ICE1: variants seen among roughly 807,000 people sequenced by gnomAD.
ICE1 encodes interactor of little elongation complex ELL subunit 1.
ICE1 carries 64 observed loss-of-function variants against 192.7 expected under a neutral mutation model. The observed-to-expected ratio is 0.33, with a 90% CI of 0.27 to 0.41. The LOEUF is 0.41. Among genes scored for constraint, ICE1 ranks in the 10% least tolerant of loss-of-function variants. The pLI is 1.00. For missense variants in ICE1, 2,708 were observed against 2,696.0 expected (o/e 1.00, Z -0.10); for synonymous variants, 1,010 against 984.5 (o/e 1.03, Z -0.49).
Position 5,441,653 on chromosome 5 carries a change from A to T in ICE1, c.309+430A>T, listed in dbSNP as rs555967443. The stretch of plus-strand genomic sequence containing the variant: ...TTCAGTGGCTCTGGCCTATCTTTGG[A>T]GAGCCCAGTGGTGAATGAAGCGTGT... On this transcript the variant is annotated intron_variant, in intron 5 of 18. Transcript: ENST00000296564. Among the ~76,000 whole-genome samples the T allele has an allele frequency of 8.5e-5, 13 of 152,324 alleles. No individual in the cohort carries two copies. The South Asian group carries it at 2.7e-3, about 32-fold the overall frequency.
intron 8 of ICE1, 32 bp downstream of exon 8, chr5:5,447,541 A>T (rs376598620): frequency 1.2e-5 from 18 of 1,492,446 alleles, no homozygotes; most frequent in South Asian, 9.8e-5. Context: ...CACACACCTT[A>T]AATACGTGGC....
chr5:5,422,874 GC>G lies in ICE1; in HGVS notation c.-38del. 2 of 1,276,394 alleles carry G rather than the reference GC, an allele frequency of 1.6e-6. No individual in the cohort carries two copies. The highest frequency in any genetic ancestry group is 2.3e-5 in the South Asian group (1 of 42,842). 79.1% of individuals were successfully genotyped at this position (1,276,394 alleles called of 1,614,324 possible). A position where few individuals can be genotyped will look rare whatever the true frequency, so the allele number is the denominator to read the frequency against. ...AGACAGGACGGGGCCGACGCCGCGG[GC>G]CCCTGAGGCGTGCGTGCCCACCGGG... On this transcript the variant is annotated 5_prime_UTR_variant, in exon 1 of 19. An upstream open reading frame in the 5' UTR loses its in-frame stop. Transcript: ENST00000296564.
chr5:5,444,277 T>C lies in ICE1; in HGVS notation c.387-12T>C. ...CTTTCTTGCCATTTAACTTACACAA[T>C]TTCGTTATTAGGAAGAAGAAACTAG... is the stretch of plus-strand genomic sequence containing the variant. On this transcript the variant is annotated splice_polypyrimidine_tract_variant and intron_variant, in intron 6 of 18. Transcript: ENST00000296564. 1.3e-6 allele frequency: 2 copies of C among 1,554,248 alleles called. No individual in the cohort carries two copies. Among genetic ancestry groups the C allele is most frequent in the Non-Finnish European group, 1.7e-6 (2 of 1,145,144 alleles).
chr5:5,466,219 G>A, intron 13 of ICE1, 115 bp from the exon 14 acceptor site: 1 of 894,122 alleles, frequency 1.1e-6, no homozygotes, highest in Admixed American at 3.5e-5. Flanking sequence ...TTCTGATGTA[G>A]CGCAAGTTTT....
chr5:5,489,447 A>C lies in ICE1; in HGVS notation c.*117A>C. The C allele has an allele frequency of 1.1e-6, 1 of 881,228 alleles. No homozygotes were observed. The highest frequency in any genetic ancestry group is 1.7e-6 in the Non-Finnish European group (1 of 597,162). 54.6% of individuals were successfully genotyped at this position (881,228 alleles called of 1,614,324 possible). On this transcript the variant is annotated 3_prime_UTR_variant, in exon 19 of 19. Transcript: ENST00000296564. ...AACAAAAAGACATAAAATAGATAAA[A>C]CAGACCAGAGGCTCTCCTTATTGTT...
chr5:5,488,673 C>T (rs893391543), intron 18 of ICE1, among the ~76,000 whole-genome samples: 20 of 152,166 alleles, frequency 1.3e-4, no homozygotes, highest in African/African-American at 3.4e-4. Context: ...AAGTATGGTA[C>T]GCTACAAAAA....
At chr5:5,447,590 T>C (rs1320112460) in intron 8 of ICE1, 81 bp downstream of exon 8, 2 of 1,368,150 alleles carry the variant, frequency 1.5e-6, no homozygotes, top group Non-Finnish European at 2.0e-6. Context: ...GTAACTCACG[T>C]AGGAGTCAAC....
At chr5:5,486,987 AT>A (rs1469952561) in intron 18 of ICE1, among the ~76,000 whole-genome samples, 168 bp downstream of exon 18, 2 of 151,982 alleles carry the variant, frequency 1.3e-5, no homozygotes, top group African/African-American at 4.8e-5. Context: ...GTGTGTGTGG[AT>A]TTTGTGGTGG....
intron 18 of ICE1, among the ~76,000 whole-genome samples, chr5:5,487,075 C>A (rs1159046269): frequency 6.6e-6 from 1 of 152,170 alleles, no homozygotes; most frequent in African/African-American, 2.4e-5. Flanking sequence ...CTCTTCTCTT[C>A]CTGCGGCTAA....
chr5:5,467,726 A>G (rs751924851), intron 14 of ICE1, among the ~76,000 whole-genome samples: 4 of 152,208 alleles, frequency 2.6e-5, no homozygotes, highest in Non-Finnish European at 5.9e-5. Flanking sequence ...TAGTGCAGTG[A>G]GTTTATGCTT....
At chr5:5,445,585 C>CCAAA (rs1738193906) in intron 7 of ICE1, among the ~76,000 whole-genome samples, 1 of 151,942 alleles carries the variant, frequency 6.6e-6, no homozygotes, top group African/African-American at 2.4e-5. Flanking sequence ...GCACGCACCA[C>CCAAA]CAAACCTAGC....
In ICE1 at chr5:5,422,833, C is replaced by A. The variant is rs1737346853; in HGVS notation, c.-83C>A. The A allele has an allele frequency of 9.4e-7, 1 of 1,065,998 alleles. No individual in the cohort carries two copies. The allele number at this position is 1,065,998 out of a possible 1,614,324, so 66.0% of individuals were successfully genotyped here. ...GGAAGCGGCCTGGCAGGCGGCGGCC[C>A]CGGCGGCATCAGCAGAGACAGGACG... On this transcript the variant is annotated 5_prime_UTR_variant, in exon 1 of 19. Coordinates refer to ENST00000296564, the MANE Select transcript of ICE1 (RefSeq NM_015325.3).
chr5:5,422,924 G>T lies in ICE1; in HGVS notation c.9G>T (p.Pro3=). The T allele has an allele frequency of 1.4e-6, 2 of 1,430,522 alleles. No individual in the cohort carries two copies. The highest frequency in any genetic ancestry group is 2.5e-5 in the Admixed American group (1 of 39,780). 88.6% of individuals were successfully genotyped at this position (1,430,522 alleles called of 1,614,324 possible). The change falls in exon 1 of 19, where the codon CCG becomes CCT. Residue 3 remains proline, a synonymous_variant. Transcript: ENST00000296564. ...GGCCCGGCGGCGGCACCATGATGCCGGGCGAGACCCATTCGGCGGCGCCCG... is the reference window on the plus strand; with the variant it reads ...GGCCCGGCGGCGGCACCATGATGCCTGGCGAGACCCATTCGGCGGCGCCCG... MM[P]GETHSAAPGT...
In ICE1 at chr5:5,461,309, A is replaced by G. The variant is rs1339079457; in HGVS notation, c.1975A>G (p.Ile659Val). The change falls in exon 13 of 19, where the codon ATT becomes GTT. Residue 659 changes from isoleucine to valine, a missense_variant. By Grantham distance (29) the Ile-to-Val change is conservative. Around this residue, in one of 2 missense-constraint regions of ICE1, gnomAD observed 2,366 missense variants for 2,276.6 expected, o/e 1.04. Coordinates refer to ENST00000296564, the MANE Select transcript of ICE1 (RefSeq NM_015325.3). The part of the protein sequence containing the change: ...SGLDCGNDTD[I>V]TTKVFSTEPH... The stretch of plus-strand genomic sequence containing the variant: ...GTTAGACTGTGGTAATGATACAGAT[A>G]TTACTACTAAAGTATTCTCTACTGA... The G allele has an allele frequency of 8.1e-6, 13 of 1,613,836 alleles. No individual in the cohort carries two copies. The highest frequency in any genetic ancestry group is 8.5e-6 in the Non-Finnish European group (10 of 1,179,874).
Position 5,464,040 on chromosome 5 carries a change from A to C in ICE1, c.4706A>C (p.Lys1569Thr). 1 of 1,613,662 alleles carries C rather than the reference A, an allele frequency of 6.2e-7. No individual in the cohort carries two copies. The highest frequency in any genetic ancestry group is 8.5e-7 in the Non-Finnish European group (1 of 1,179,846). ...SNKDQSNKPV[K>T]TSASSRVETH... ...AAAGATCAGTCAAACAAACCAGTAA[A>C]AACTTCAGCGTCGAGCAGAGTTGAA... The change falls in exon 13 of 19, where the codon AAA becomes ACA. Residue 1569 changes from lysine (K) to threonine (T), a missense_variant. By Grantham distance (78) the Lys-to-Thr change is moderately conservative. Around this residue, in one of 2 missense-constraint regions of ICE1, gnomAD observed 2,366 missense variants for 2,276.6 expected, o/e 1.04. Transcript: ENST00000296564. This position sits in a 1 kb window ranked among gnomAD's most constrained non-coding sequence, Gnocchi z 4.0.
Position 5,489,346 on chromosome 5 carries a change from A to G in ICE1, c.*16A>G. The G allele has an allele frequency of 6.3e-7, 1 of 1,582,988 alleles. No individual in the cohort carries two copies. Among genetic ancestry groups the G allele is most frequent in the Non-Finnish European group, 8.6e-7 (1 of 1,166,416 alleles). ...GCTTGGCTGACCTGGGATGCCACTG[A>G]GGCTTGAGAAGTGCCTTGACACATT... On this transcript the variant is annotated 3_prime_UTR_variant, in exon 19 of 19. Transcript: ENST00000296564.
chr5:5,480,553 T>C (rs530059301), intron 17 of ICE1, among the ~76,000 whole-genome samples: 17 of 152,290 alleles, frequency 1.1e-4, no homozygotes, highest in Non-Finnish European at 2.5e-4. Context: ...AGCCGGATTT[T>C]TCTTAATGAA....
At chr5:5,427,097 T>G (rs1299234440) in intron 1 of ICE1, among the ~76,000 whole-genome samples, 2 of 152,258 alleles carry the variant, frequency 1.3e-5, no homozygotes, top group Non-Finnish European at 2.9e-5. Context: ...TGTCCTTTTT[T>G]TCTTTAGTTG....
chr5:5,437,047 A>G (rs756105551), intron 2 of ICE1, 33 bp from the exon 3 acceptor site: 6 of 1,325,822 alleles, frequency 4.5e-6, no homozygotes, highest in Non-Finnish European at 6.4e-6. Context: ...TCTAAATTAA[A>G]AAGTAACCTA....
Sources: allele counts gnomAD v4.1 joint callset (sites outside exome capture counted in the v4.1 genomes callset), GRCh38; gene constraint gnomAD v4.1.1; regional missense constraint gnomAD v4.1.1; non-coding constraint Gnocchi (gnomAD v3.1); transcripts MANE v1.5; gene names NCBI Gene and HGNC (gene_info 2026-07-23, HGNC 2026-07-21).